The following ZMAT4 variants were observed in gnomAD, a reference collection of about 807,000 sequenced individuals.
ZMAT4 encodes the protein zinc finger matrin-type protein 4.
A neutral mutation model predicts 28.7 loss-of-function variants in ZMAT4; 17 were observed. The observed-to-expected ratio is 0.59, with a 90% CI of 0.41 to 0.89. ZMAT4 has a LOEUF of 0.89. ZMAT4 is among the 40% of genes least tolerant of loss of function. The pLI, the probability that ZMAT4 is intolerant of heterozygous loss-of-function variation, is 0.00. For missense variants in ZMAT4, 240 were observed against 283.8 expected (o/e 0.85, Z 1.11); for synonymous variants, 117 against 109.2 (o/e 1.07, Z -0.44).
chr8:40,543,127 T>G (rs1481404344), intron 6 of ZMAT4, among the ~76,000 whole-genome samples: 1 of 152,174 alleles, frequency 6.6e-6, no homozygotes, highest in African/African-American at 2.4e-5. Flanking sequence ...AGAGTTTACG[T>G]GCCATCCAGC....
intron 2 of ZMAT4, among the ~76,000 whole-genome samples, chr8:40,771,382 TG>T (rs1813384764): frequency 1.3e-5 from 2 of 151,912 alleles, no homozygotes; most frequent in African/African-American, 4.8e-5. Flanking sequence ...GGAGTATGAC[TG>T]GTTTTTATTT....
intron 1 of ZMAT4, among the ~76,000 whole-genome samples, chr8:40,875,830 C>T (rs970397606): frequency 1.3e-5 from 2 of 152,188 alleles, no homozygotes; most frequent in Admixed American, 1.3e-4. Context: ...ACCCAACCCC[C>T]CTGAGACTTT....
chr8:40,570,257 G>T (rs942904060), intron 6 of ZMAT4, among the ~76,000 whole-genome samples: 1 of 152,172 alleles, frequency 6.6e-6, no homozygotes, highest in Non-Finnish European at 1.5e-5. Context: ...AGGGGTCCAA[G>T]AGAACCTTTG....
intron 4 of ZMAT4, among the ~76,000 whole-genome samples, chr8:40,676,410 G>A (rs185749453): frequency 1.3e-5 from 2 of 152,114 alleles, no homozygotes; most frequent in Admixed American, 6.6e-5. Flanking sequence ...TCCTAAAGCA[G>A]TATAGCAGCA....
chr8:40,671,744 C>T (rs1808678238), intron 5 of ZMAT4, among the ~76,000 whole-genome samples: 1 of 152,156 alleles, frequency 6.6e-6, no homozygotes, highest in African/African-American at 2.4e-5. Flanking sequence ...CAGGTGTTTG[C>T]ACTGTCAAAA....
intron 3 of ZMAT4, among the ~76,000 whole-genome samples, chr8:40,755,474 A>G (rs1812639934): frequency 6.6e-6 from 1 of 152,054 alleles, no homozygotes; most frequent in South Asian, 2.1e-4. Flanking sequence ...TTTTTTTGAG[A>G]CAGGGTCCCA....
chr8:40,831,765 G>T (rs139171601), intron 1 of ZMAT4, among the ~76,000 whole-genome samples: 2 of 152,142 alleles, frequency 1.3e-5, no homozygotes, highest in Non-Finnish European at 2.9e-5. Context: ...CTGCCACTCC[G>T]TGTGACTGTG....
chr8:40,627,371 CACAA>C (rs1806414585), intron 5 of ZMAT4, among the ~76,000 whole-genome samples: 1 of 152,268 alleles, frequency 6.6e-6, no homozygotes, highest in African/African-American at 2.4e-5. Flanking sequence ...AGTACACACA[CACAA>C]ACAGACACAT....
intron 6 of ZMAT4, among the ~76,000 whole-genome samples, chr8:40,573,892 G>T (rs1478849361): frequency 2.0e-5 from 3 of 152,118 alleles, no homozygotes; most frequent in Non-Finnish European, 4.4e-5. Context: ...AGTCACAAGA[G>T]GATTAAAATC....
intron 3 of ZMAT4, among the ~76,000 whole-genome samples, chr8:40,754,800 G>C (rs889526622): frequency 6.6e-6 from 1 of 152,122 alleles, no homozygotes; most frequent in Non-Finnish European, 1.5e-5. Flanking sequence ...ATCGTTTGAG[G>C]CCAGAGGTTC....
intron 2 of ZMAT4, among the ~76,000 whole-genome samples, chr8:40,817,466 G>T (rs1209918442): frequency 6.6e-6 from 1 of 152,216 alleles, no homozygotes; most frequent in Non-Finnish European, 1.5e-5. Flanking sequence ...TGCAGAGGAA[G>T]ATCAGATTCT....
At chr8:40,532,375 GTAAAGT>G (rs1202338019) in intron 6 of ZMAT4, 137 bp from the exon 7 acceptor site, 7 of 611,980 alleles carry the variant, frequency 1.1e-5, no homozygotes, top group Middle Eastern at 2.7e-4. Context: ...ATCTGAATTT[GTAAAGT>G]TAATCTTTCA....
At chr8:40,539,213 A>G (rs1802948856) in intron 6 of ZMAT4, among the ~76,000 whole-genome samples, 1 of 152,142 alleles carries the variant, frequency 6.6e-6, no homozygotes, top group South Asian at 2.1e-4. Context: ...GTGTATTTTC[A>G]ATGCTTGCTA....
intron 3 of ZMAT4, among the ~76,000 whole-genome samples, chr8:40,729,271 T>C (rs1237223303): frequency 6.6e-6 from 1 of 152,124 alleles, no homozygotes; most frequent in Non-Finnish European, 1.5e-5. Flanking sequence ...TACAAATCTT[T>C]TGGAGGACAG....
intron 5 of ZMAT4, among the ~76,000 whole-genome samples, chr8:40,607,041 TTATTTCCA>T (rs1280238338): frequency 6.6e-6 from 1 of 151,882 alleles, no homozygotes; most frequent in Non-Finnish European, 1.5e-5. Context: ...AACATGTCCT[TTATTTCCA>T]GAAGGTGTGA....
intron 3 of ZMAT4, among the ~76,000 whole-genome samples, chr8:40,755,913 A>G (rs1297841214): frequency 6.6e-6 from 1 of 152,194 alleles, no homozygotes; most frequent in Non-Finnish European, 1.5e-5. Context: ...GACTTGAGCC[A>G]GTGTGGCACA....
intron 6 of ZMAT4, among the ~76,000 whole-genome samples, chr8:40,575,395 C>A (rs1040697496): frequency 6.6e-6 from 1 of 152,036 alleles, no homozygotes; most frequent in Non-Finnish European, 1.5e-5. Flanking sequence ...AAAGCTTCAT[C>A]CCAAGAGAAT....
intron 5 of ZMAT4, among the ~76,000 whole-genome samples, chr8:40,598,176 A>T (rs1367704601): frequency 6.6e-6 from 1 of 152,224 alleles, no homozygotes; most frequent in Non-Finnish European, 1.5e-5. Context: ...AGTAATGCAC[A>T]ATGTGTATAT....
chr8:40,893,374 C>G (rs1298789877), intron 1 of ZMAT4, among the ~76,000 whole-genome samples: 1 of 152,178 alleles, frequency 6.6e-6, no homozygotes, highest in Non-Finnish European at 1.5e-5. Context: ...AGAACGTAGT[C>G]CTGACCTCTG....
Sources: gnomAD v4.1 joint callset for allele counts (sites outside exome capture counted in the v4.1 genomes callset) on GRCh38, gnomAD v4.1.1 for gene constraint, MANE v1.5 for transcripts, NCBI Gene and HGNC (gene_info 2026-07-23, HGNC 2026-07-21) for gene names.